The following GCA variants were observed in gnomAD, a reference collection of about 807,000 sequenced individuals.
GCA encodes the protein grancalcin, EF-hand calcium-binding protein.
Under a neutral mutation model 32.6 loss-of-function variants are expected in GCA, and 30 were observed. That is an observed-to-expected ratio of 0.92 (90% confidence interval 0.69 to 1.25). The LOEUF is 1.25. GCA is among the 50% of genes most tolerant of loss of function. The probability of loss-of-function intolerance (pLI) is 0.00; values close to 1 mark genes in which losing one functional copy is unlikely to be tolerated. For synonymous variants in GCA, 102 were observed against 84.6 expected (o/e 1.21, Z -1.13); for missense variants, 291 against 266.8 (o/e 1.09, Z -0.63).
chr2:162,327,265 A>C (rs1434111894), intron 1 of GCA, among the ~76,000 whole-genome samples: 1 of 152,160 alleles, frequency 6.6e-6, no homozygotes, highest in Non-Finnish European at 1.5e-5. Context: ...GTATCTGTTT[A>C]GAGTATCTCA....
intron 5 of GCA, among the ~76,000 whole-genome samples, chr2:162,358,271 T>C (rs1685386260): frequency 6.6e-6 from 1 of 151,574 alleles, no homozygotes; most frequent in Admixed American, 6.6e-5. Context: ...TATTAATTTA[T>C]GTTTTTATTC....
intron 3 of GCA, among the ~76,000 whole-genome samples, chr2:162,353,634 G>C (rs972773627): frequency 2.0e-5 from 3 of 152,096 alleles, no homozygotes; most frequent in Non-Finnish European, 4.4e-5. Flanking sequence ...AGCGTCCCTT[G>C]TTGCATTATC....
intron 1 of GCA, among the ~76,000 whole-genome samples, chr2:162,327,498 A>T (rs780842143): frequency 8.5e-5 from 13 of 152,172 alleles, no homozygotes; most frequent in Non-Finnish European, 1.5e-5. Context: ...TCCTTCCCCT[A>T]GTTCAGACCA....
upstream of GCA, among the ~76,000 whole-genome samples, chr2:162,341,490 T>C (rs1684448575): frequency 6.6e-6 from 1 of 151,934 alleles, no homozygotes; most frequent in Non-Finnish European, 1.5e-5. Flanking sequence ...TATCTAAACT[T>C]ATGATAAGAC....
chr2:162,348,066 A>G (rs1684800347), intron 2 of GCA, among the ~76,000 whole-genome samples: 1 of 152,064 alleles, frequency 6.6e-6, no homozygotes, highest in Non-Finnish European at 1.5e-5. Flanking sequence ...GTCACTAAAC[A>G]CCCCACCAAA....
At chr2:162,324,561 GC>G (rs1223262083) in intron 1 of GCA, among the ~76,000 whole-genome samples, 13 of 152,166 alleles carry the variant, frequency 8.5e-5, no homozygotes, top group African/African-American at 2.9e-4. Flanking sequence ...CTCTGTGTCT[GC>G]CTGCTGGGGT....
rs143650251 is a variant in GCA at position 162,348,657 on chromosome 2, A to G, written c.192+915A>G. 5.1e-3 allele frequency among the ~76,000 whole-genome samples: 782 copies of G among 152,304 alleles called. 3 individuals carry two copies. The highest frequency in any genetic ancestry group is 0.017 in the African/African-American group (719 of 41,572). On this transcript the variant is annotated intron_variant, in intron 2 of 7. Coordinates refer to ENST00000437150, the MANE Select transcript of GCA (RefSeq NM_012198.5). ...CGTGTGAAACTGCCAGTTCAAGTACATGAATTCTGTGGGTGAATTGTTACT... is the reference window on the plus strand; with the variant it reads ...CGTGTGAAACTGCCAGTTCAAGTACGTGAATTCTGTGGGTGAATTGTTACT...
chr2:162,355,642 A>G (rs950496933), intron 3 of GCA, among the ~76,000 whole-genome samples: 1 of 152,062 alleles, frequency 6.6e-6, no homozygotes, highest in African/African-American at 2.4e-5. Flanking sequence ...ATTGAATTTT[A>G]TCAATAGGTC....
chr2:162,373,423 A>G (rs760570117), downstream of GCA: 61 of 1,330,388 alleles, frequency 4.6e-5, no homozygotes, highest in Non-Finnish European at 5.5e-5. Flanking sequence ...TGACCCCTGG[A>G]AACACACTGT....
intron 1 of GCA, chr2:162,319,455 C>T (rs540874970): frequency 2.2e-5 from 5 of 227,178 alleles, no homozygotes; most frequent in South Asian, 4.8e-5. Flanking sequence ...ACAAAAAAAT[C>T]CCCCAACAAC....
chr2:162,367,148 G>T (rs901016235), downstream of GCA, among the ~76,000 whole-genome samples: 1 of 151,758 alleles, frequency 6.6e-6, no homozygotes, highest in Non-Finnish European at 1.5e-5. Flanking sequence ...GGATACTGGG[G>T]CTTACTCTGG....
rs1428790361 is a variant in GCA, at chr2:162,362,100, G to T, written c.*1857G>T. The stretch of plus-strand genomic sequence containing the variant: ...TTCTTATGACTTTTGGTCATAGAAG[G>T]TCTATGAAGGAGCTTCCATGGCCAA... On this transcript the variant is annotated 3_prime_UTR_variant, in exon 8 of 8. Transcript: ENST00000437150. 1 of 982,266 alleles carries T rather than the reference G, an allele frequency of 1.0e-6. No homozygotes were observed. Among genetic ancestry groups the T allele is most frequent in the Non-Finnish European group, 1.2e-6 (1 of 827,318 alleles). The allele number at this position is 982,266 out of a possible 1,614,324, so 60.8% of individuals were successfully genotyped here. A position where few individuals can be genotyped will look rare whatever the true frequency, so the allele number is the denominator to read the frequency against.
intron 5 of GCA, chr2:162,357,119 A>T: frequency 2.4e-6 from 1 of 423,868 alleles, no homozygotes; most frequent in African/African-American, 2.0e-5. Flanking sequence ...TCTTCCATAC[A>T]TGCATACATT....
chr2:162,360,865 A>G lies in GCA; in HGVS notation c.*622A>G. ...TCCTTTTTTATTTTTTGTATTATAT[A>G]TTTTTCTTAAATATGTTTTATTGTC... On this transcript the variant is annotated 3_prime_UTR_variant, in exon 8 of 8. Coordinates refer to ENST00000437150, the MANE Select transcript of GCA (RefSeq NM_012198.5). 1.8e-6 allele frequency: 2 copies of G among 1,120,068 alleles called. No homozygotes were observed. Among genetic ancestry groups the G allele is most frequent in the African/African-American group, 3.2e-5 (2 of 62,000 alleles). 69.4% of individuals were successfully genotyped at this position (1,120,068 alleles called of 1,614,324 possible).
chr2:162,341,614 G>C (rs193071909), upstream of GCA, among the ~76,000 whole-genome samples: 1 of 151,918 alleles, frequency 6.6e-6, no homozygotes, highest in Non-Finnish European at 1.5e-5. Context: ...GGCTAATCTT[G>C]GTCAAAACAA....
chr2:162,355,458 A>G (rs948502612), intron 3 of GCA, among the ~76,000 whole-genome samples: 51 of 152,140 alleles, frequency 3.4e-4, no homozygotes, highest in Non-Finnish European at 6.8e-4. Context: ...TATGGATAAA[A>G]TAATTTTGAA....
chr2:162,336,958 A>G (rs1684289387), intron 1 of GCA, among the ~76,000 whole-genome samples: 1 of 152,196 alleles, frequency 6.6e-6, no homozygotes, highest in African/African-American at 2.4e-5. Flanking sequence ...TTTACCTTAC[A>G]GAACAATTTC....
chr2:162,336,297 T>G (rs1466720772), intron 1 of GCA, among the ~76,000 whole-genome samples: 1 of 152,216 alleles, frequency 6.6e-6, no homozygotes, highest in African/African-American at 2.4e-5. Flanking sequence ...TATTTATTGA[T>G]GTGTAGATTT....
chr2:162,339,959 C>G (rs974682067), upstream of GCA, among the ~76,000 whole-genome samples: 1 of 152,124 alleles, frequency 6.6e-6, no homozygotes, highest in African/African-American at 2.4e-5. Context: ...TTTCCATATG[C>G]AATTGGCTAT....
Sources: gnomAD v4.1 joint callset for allele counts (sites outside exome capture counted in the v4.1 genomes callset) on GRCh38, gnomAD v4.1.1 for gene constraint, MANE v1.5 for transcripts, NCBI Gene and HGNC (gene_info 2026-07-23, HGNC 2026-07-21) for gene names.